Variants in SLC4A4 observed in about 807,000 individuals in gnomAD.
SLC4A4 encodes the protein solute carrier family 4 member 4.
A neutral mutation model predicts 111.5 loss-of-function variants in SLC4A4; 27 were observed. The ratio of observed to expected loss-of-function variants is 0.24; its 90% CI spans 0.18 to 0.33. The LOEUF is 0.33. SLC4A4 is among the 10% of genes least tolerant of loss of function. The probability of loss-of-function intolerance (pLI) is 1.00; values close to 1 mark genes in which losing one functional copy is unlikely to be tolerated. For missense variants in SLC4A4, 909 were observed against 1,315.5 expected, an observed-to-expected ratio of 0.69 and a Z score of 4.78; for synonymous variants, 443 against 463.4, an observed-to-expected ratio of 0.96 and a Z score of 0.57.
intron 1 of SLC4A4, among the ~76,000 whole-genome samples, chr4:71,089,071 A>T (rs1466481975): frequency 6.6e-6 from 1 of 152,066 alleles, no homozygotes; most frequent in East Asian, 1.9e-4. Flanking sequence ...CTTTTCACAT[A>T]GTCCCATATT....
At chr4:71,274,594 G>T (rs534542419) in intron 3 of SLC4A4, among the ~76,000 whole-genome samples, 64 of 152,326 alleles carry the variant, frequency 4.2e-4, no homozygotes, top group African/African-American at 1.2e-3. Flanking sequence ...GGAGTTAGAA[G>T]TTCTGATTAT....
chr4:71,514,443 C>T (rs971723032), intron 16 of SLC4A4, among the ~76,000 whole-genome samples: 2 of 152,222 alleles, frequency 1.3e-5, no homozygotes, highest in African/African-American at 4.8e-5. Context: ...GTCTGCAGAA[C>T]TGTGAGCCAA....
chr4:71,255,440 T>G, intron 3 of SLC4A4, 41 bp downstream of exon 3: 1 of 1,599,934 alleles, frequency 6.3e-7, no homozygotes. Context: ...TCTGCCTCAC[T>G]CCCACATCTT....
rs1732546914 is a variant in SLC4A4 at position 71,377,814 on chromosome 4, TAGTG to T, written c.731-19759_731-19756del. Among the ~76,000 whole-genome samples the T allele has an allele frequency of 3.9e-5, 6 of 152,174 alleles. 1 individual carries two copies. The South Asian group carries it at 1.2e-3, about 32-fold the overall frequency. On this transcript the variant is annotated intron_variant, in intron 6 of 25. Transcript: ENST00000264485. ...ATGTTTGTGTATATTTCATTTGACATAGTGAGTCATGTATTGTATTAGTCCATTT... is the reference window on the plus strand; with the variant it reads ...ATGTTTGTGTATATTTCATTTGACATAGTCATGTATTGTATTAGTCCATTT...
At chr4:71,302,623 G>A (rs1560392431) in intron 3 of SLC4A4, among the ~76,000 whole-genome samples, 1 of 152,204 alleles carries the variant, frequency 6.6e-6, no homozygotes, top group East Asian at 1.9e-4. Flanking sequence ...CACTCCTGGT[G>A]TGCTGTGATT....
intron 3 of SLC4A4, among the ~76,000 whole-genome samples, chr4:71,269,344 A>G (rs1042471770): frequency 2.6e-5 from 4 of 152,234 alleles, no homozygotes; most frequent in African/African-American, 9.6e-5. Context: ...TCGTAGCAGT[A>G]TAATAGCTTT....
chr4:71,339,707 T>C (rs539308105), intron 4 of SLC4A4, among the ~76,000 whole-genome samples: 68 of 152,334 alleles, frequency 4.5e-4, no homozygotes, highest in African/African-American at 1.6e-3. Flanking sequence ...ATTTCACTAT[T>C]GGGGCATTGT....
intron 7 of SLC4A4, among the ~76,000 whole-genome samples, chr4:71,427,741 C>A (rs954027453): frequency 6.6e-6 from 1 of 152,106 alleles, no homozygotes; most frequent in African/African-American, 2.4e-5. Flanking sequence ...CCTTAATATT[C>A]AGCCTGGAAT....
At chr4:71,178,804 A>T (rs1413027789) in intron 2 of SLC4A4, among the ~76,000 whole-genome samples, 1 of 152,210 alleles carries the variant, frequency 6.6e-6, no homozygotes, top group Non-Finnish European at 1.5e-5. Context: ...ATTCCTTCTG[A>T]AACTATTCCA....
At chr4:71,135,591 C>T (rs557383572) in intron 2 of SLC4A4, among the ~76,000 whole-genome samples, 4 of 152,076 alleles carry the variant, frequency 2.6e-5, no homozygotes, top group African/African-American at 7.2e-5. Context: ...CCACCGTGCC[C>T]GGCTCACAAT....
chr4:71,404,583 G>A (rs997117883), intron 7 of SLC4A4, among the ~76,000 whole-genome samples: 1 of 152,148 alleles, frequency 6.6e-6, no homozygotes, highest in African/African-American at 2.4e-5. Flanking sequence ...TCAGAGAACA[G>A]TAGCATGCTG....
At chr4:71,565,165 G>A (rs575425779) in intron 24 of SLC4A4, among the ~76,000 whole-genome samples, 2 of 152,010 alleles carry the variant, frequency 1.3e-5, no homozygotes, top group African/African-American at 4.8e-5. Flanking sequence ...CTATGTAAAT[G>A]GAGAGGATGA....
chr4:71,510,973 A>G (rs1384637946), intron 16 of SLC4A4, among the ~76,000 whole-genome samples: 1 of 152,108 alleles, frequency 6.6e-6, no homozygotes. Context: ...CTTACCTTTC[A>G]TTGCATAAAA....
chr4:71,233,037 C>G (rs1467656825), intron 1 of SLC4A4, among the ~76,000 whole-genome samples: 1 of 152,192 alleles, frequency 6.6e-6, no homozygotes, highest in African/African-American at 2.4e-5. Flanking sequence ...AGAAAATTTC[C>G]TCATTAAACT....
intron 7 of SLC4A4, among the ~76,000 whole-genome samples, chr4:71,414,064 A>T (rs1414449147): frequency 6.6e-6 from 1 of 152,154 alleles, no homozygotes; most frequent in African/African-American, 2.4e-5. Flanking sequence ...AGCTTTTCTC[A>T]TGTCAAGGAT....
intron 2 of SLC4A4, among the ~76,000 whole-genome samples, chr4:71,144,993 G>T (rs1744123386): frequency 6.6e-6 from 1 of 152,082 alleles, no homozygotes; most frequent in Non-Finnish European, 1.5e-5. Flanking sequence ...TGTGGAATAG[G>T]AGTGGTGAGA....
chr4:71,339,562 A>G, intron 4 of SLC4A4, 57 bp downstream of exon 4: 15 of 1,569,646 alleles, frequency 9.6e-6, no homozygotes, highest in Non-Finnish European at 1.3e-5. Context: ...GCAGGGCAAG[A>G]TGCTTGATCC....
In SLC4A4 at chr4:71,267,159, T is replaced by C. The variant is rs921691461; in HGVS notation, c.253+11760T>C. On this transcript the variant is annotated intron_variant, in intron 3 of 25. Coordinates refer to ENST00000264485, the MANE Select transcript of SLC4A4 (RefSeq NM_001098484.3). ...ACCCTTGGGGAGCTTGTAGTCAGTT[T>C]GGAGAGACACTAACTAATCAAATAC... is the stretch of plus-strand genomic sequence containing the variant. Among the ~76,000 whole-genome samples, 8 of 152,170 alleles carry C rather than the reference T, an allele frequency of 5.3e-5. No individual in the cohort carries two copies. The South Asian group carries it at 1.7e-3, about 32-fold the overall frequency.
chr4:71,127,979 T>C (rs1429414254), intron 2 of SLC4A4, among the ~76,000 whole-genome samples: 2 of 152,190 alleles, frequency 1.3e-5, no homozygotes, highest in Non-Finnish European at 2.9e-5. Flanking sequence ...TCTCAGCTAC[T>C]TGAGGCTGAT....
Sources: gnomAD v4.1 joint callset for allele counts (sites outside exome capture counted in the v4.1 genomes callset) on GRCh38, gnomAD v4.1.1 for gene constraint, MANE v1.5 for transcripts, NCBI Gene and HGNC (gene_info 2026-07-23, HGNC 2026-07-21) for gene names.